Variants in GPHN observed in about 807,000 individuals in gnomAD.
GPHN encodes gephyrin.
A neutral mutation model predicts 95.5 loss-of-function variants in GPHN; 17 were observed. That is an observed-to-expected ratio of 0.18 (90% confidence interval 0.12 to 0.27). The LOEUF is 0.27. Among genes scored for constraint, GPHN ranks in the 10% least tolerant of loss-of-function variants. GPHN has a pLI of 1.00. For synonymous variants in GPHN, 320 were observed against 322.5 expected (o/e 0.99, Z 0.08); for missense variants, 660 against 978.1 (o/e 0.67, Z 4.34).
the GPHN span, chr14:67,335,123 G>GATAA: frequency 1.3e-5 from 2 of 149,978 alleles, no homozygotes; most frequent in African/African-American, 4.8e-5. Flanking sequence ...AGTCTGAGAT[G>GATAA]ATAAATATTT....
chr14:67,216,309 G>T, the GPHN span, among the ~76,000 whole-genome samples: 1 of 151,902 alleles, frequency 6.6e-6, no homozygotes, highest in Non-Finnish European at 1.5e-5. Context: ...TCATGTCCTT[G>T]TCTGGTTTTG....
chr14:67,542,741 C>T, the GPHN span, among the ~76,000 whole-genome samples: 1 of 151,942 alleles, frequency 6.6e-6, no homozygotes, highest in African/African-American at 2.4e-5. Flanking sequence ...GCTCTTGTTG[C>T]CCAGGCTGGA....
the GPHN span, chr14:67,189,677 A>C: frequency 6.6e-6 from 1 of 151,962 alleles, no homozygotes; most frequent in Non-Finnish European, 1.5e-5. Context: ...ATTTTTTTCC[A>C]TCTTCCTCTT....
the GPHN span, chr14:67,722,563 C>A: frequency 8.2e-7 from 1 of 1,213,204 alleles, no homozygotes; most frequent in Non-Finnish European, 1.2e-6. Flanking sequence ...AGAGCTGGAG[C>A]CAGACCAGGA....
chr14:67,222,443 C>T, the GPHN span, among the ~76,000 whole-genome samples: 5 of 152,094 alleles, frequency 3.3e-5, no homozygotes, highest in African/African-American at 1.2e-4. Flanking sequence ...AGGCGTTTGC[C>T]ACCACGCCTA....
At chr14:66,559,072 A>AT (rs1160649130) in intron 1 of GPHN, among the ~76,000 whole-genome samples, 2 of 152,034 alleles carry the variant, frequency 1.3e-5, no homozygotes, top group African/African-American at 4.8e-5. Context: ...TGAACTCATC[A>AT]TTTTTTATGG....
intron 1 of GPHN, among the ~76,000 whole-genome samples, chr14:66,560,471 G>C (rs1007113454): frequency 6.6e-6 from 1 of 152,122 alleles, no homozygotes; most frequent in Non-Finnish European, 1.5e-5. Context: ...TTGTAAGTTG[G>C]ATTCCTAGGT....
chr14:67,483,825 G>T, the GPHN span, among the ~76,000 whole-genome samples: 896 of 152,362 alleles, frequency 5.9e-3, 7 homozygotes, highest in African/African-American at 0.02. Context: ...GCCCAGAGGA[G>T]CAACAGCCAG....
the GPHN span, among the ~76,000 whole-genome samples, chr14:67,560,746 T>TTTTG: frequency 1.4e-5 from 2 of 139,826 alleles, no homozygotes; most frequent in African/African-American, 5.1e-5. Context: ...TTTTTTTTTT[T>TTTTG]TGAGACGGAG....
intron 1 of GPHN, among the ~76,000 whole-genome samples, chr14:66,631,897 T>C (rs1347961200): frequency 1.3e-5 from 2 of 150,688 alleles, no homozygotes; most frequent in Non-Finnish European, 2.9e-5. Flanking sequence ...CTTCTAAACA[T>C]TTTTTTCTTT....
chr14:67,071,397 ACC>A (rs2076300726), intron 11 of GPHN, among the ~76,000 whole-genome samples: 1 of 149,692 alleles, frequency 6.7e-6, no homozygotes, highest in South Asian at 2.1e-4. Context: ...AAAACCAAAC[ACC>A]GCATGTTCTC....
chr14:66,579,705 G>A (rs1010945862), intron 1 of GPHN, among the ~76,000 whole-genome samples: 2 of 151,702 alleles, frequency 1.3e-5, no homozygotes, highest in African/African-American at 4.8e-5. Flanking sequence ...AATACATAAA[G>A]CAAATATTAA....
intron 6 of GPHN, among the ~76,000 whole-genome samples, chr14:66,920,592 A>AT (rs1011938051): frequency 5.8e-5 from 8 of 138,976 alleles, no homozygotes; most frequent in East Asian, 4.3e-4. Context: ...CCTCAGTCTT[A>AT]TTTTTTTTTA....
At chr14:67,227,991 G>A in the GPHN span, among the ~76,000 whole-genome samples, 5 of 152,076 alleles carry the variant, frequency 3.3e-5, no homozygotes, top group South Asian at 1.0e-3. Flanking sequence ...CCAACATGGT[G>A]AAACCTCATC....
chr14:66,946,314 C>T (rs1249886134), intron 8 of GPHN, among the ~76,000 whole-genome samples: 1 of 152,116 alleles, frequency 6.6e-6, no homozygotes, highest in Non-Finnish European at 1.5e-5. Context: ...GCTATCTAGG[C>T]AGATGATGTA....
the GPHN span, among the ~76,000 whole-genome samples, chr14:67,202,174 C>T: frequency 6.6e-6 from 1 of 152,354 alleles, no homozygotes; most frequent in South Asian, 2.1e-4. Flanking sequence ...GGCACAGCGG[C>T]TCACGCCTGT....
intron 1 of GPHN, among the ~76,000 whole-genome samples, chr14:66,626,966 T>C (rs2063550436): frequency 6.6e-6 from 1 of 151,994 alleles, no homozygotes; most frequent in Admixed American, 6.6e-5. Flanking sequence ...TTTGCTTTAT[T>C]GAGATTTGCT....
intron 2 of GPHN, among the ~76,000 whole-genome samples, chr14:66,746,057 C>T (rs2058136548): frequency 6.6e-6 from 1 of 151,844 alleles, no homozygotes; most frequent in South Asian, 2.1e-4. Flanking sequence ...ACATATATAC[C>T]ATAGTTTGTT....
chr14:66,999,069 C>T (rs1782184006), intron 9 of GPHN, among the ~76,000 whole-genome samples: 1 of 151,632 alleles, frequency 6.6e-6, no homozygotes, highest in African/African-American at 2.4e-5. Context: ...ACTATCTTGC[C>T]GATCATAAAG....
Sources: allele counts gnomAD v4.1 joint callset (sites outside exome capture counted in the v4.1 genomes callset), GRCh38; gene constraint gnomAD v4.1.1; transcripts MANE v1.5; gene names NCBI Gene and HGNC (gene_info 2026-07-23, HGNC 2026-07-21).